TNS1: variants seen among roughly 807,000 people sequenced by gnomAD.
TNS1 encodes the protein tensin-1.
Under a neutral mutation model 168.6 loss-of-function variants are expected in TNS1, and 62 were observed. The observed-to-expected ratio is 0.37, with a 90% CI of 0.30 to 0.45. The LOEUF is 0.45. Among genes scored for constraint, TNS1 ranks in the 20% least tolerant of loss-of-function variants. TNS1 has a pLI of 1.00. For synonymous variants in TNS1, 934 were observed against 933.2 expected, an observed-to-expected ratio of 1.00 and a Z score of -0.02; for missense variants, 2,240 against 2,339.4, an observed-to-expected ratio of 0.96 and a Z score of 0.88.
chr2:217,825,061 C>T (rs1229556650), intron 22 of TNS1, among the ~76,000 whole-genome samples: 2 of 152,176 alleles, frequency 1.3e-5, no homozygotes, highest in Non-Finnish European at 2.9e-5. Flanking sequence ...TTCTCATTCC[C>T]TGAAGTTCAA....
At position 217,818,194 on chromosome 2, in the gene TNS1, G is replaced by C. The variant is rs1242238984; in HGVS notation, c.4138C>G (p.Pro1380Ala). 1 of 1,613,878 alleles carries C rather than the reference G, an allele frequency of 6.2e-7. No homozygotes were observed. Among genetic ancestry groups the C allele is most frequent in the Admixed American group, 1.7e-5 (1 of 60,020 alleles). ...TPGSPSLGRHPGAHQGNLASG... is the reference protein window; with the variant it reads ...TPGSPSLGRHAGAHQGNLASG... Reference sequence around the variant, plus strand: ...GCCAGGTTGCCTTGGTGAGCCCCAGGGTGCCGGCCCAGGCTGGGACTCCCC... The same window carrying C: ...GCCAGGTTGCCTTGGTGAGCCCCAGCGTGCCGGCCCAGGCTGGGACTCCCC... The change falls in exon 24 of 33, where the codon CCT (proline) becomes GCT (alanine). Residue 1380 changes from proline (P) to alanine (A), a missense_variant. Pro to Ala is a conservative substitution (Grantham distance 27). Coordinates refer to ENST00000682258, the MANE Select transcript of TNS1 (RefSeq NM_001387777.1).
At chr2:217,915,142 T>G (rs1954857968) in intron 4 of TNS1, among the ~76,000 whole-genome samples, 1 of 152,186 alleles carries the variant, frequency 6.6e-6, no homozygotes. Flanking sequence ...TGGGATGAAA[T>G]GCATCGGGTC....
Position 217,920,225 on chromosome 2 carries a change from G to T in TNS1, c.198C>A (p.Pro66=). ...GCTCATGGTTGGATGGAGGAACGCA[G>T]GGGGCAGCCACCTGTGGAAGGAACA... is the stretch of plus-strand genomic sequence containing the variant. The part of the protein sequence containing the change: ...HRKCQAKVAA[P]CVPPSNHELV... The change falls in exon 4 of 33, where the codon CCC becomes CCA. Residue 66 remains proline (P), a synonymous_variant. Coordinates refer to ENST00000682258, the MANE Select transcript of TNS1 (RefSeq NM_001387777.1). 1.4e-6 allele frequency: 1 copy of T among 703,040 alleles called. No individual in the cohort carries two copies. Among genetic ancestry groups the T allele is most frequent in the East Asian group, 2.7e-5 (1 of 37,280 alleles). The allele number at this position is 703,040 out of a possible 1,614,324, so 43.6% of individuals were successfully genotyped here. A position where few individuals can be genotyped will look rare whatever the true frequency, so the allele number is the denominator to read the frequency against.
chr2:217,908,646 G>T (rs1953979915), intron 4 of TNS1, among the ~76,000 whole-genome samples: 1 of 152,178 alleles, frequency 6.6e-6, no homozygotes, highest in African/African-American at 2.4e-5. Flanking sequence ...GCTGAGCGGA[G>T]GTAACAGTGC....
chr2:218,019,973 T>G (rs899375325), intron 1 of TNS1, among the ~76,000 whole-genome samples: 1 of 152,052 alleles, frequency 6.6e-6, no homozygotes, highest in Non-Finnish European at 1.5e-5. Context: ...GCCCTACTCT[T>G]TTTTGCAGGT....
intron 1 of TNS1, among the ~76,000 whole-genome samples, chr2:218,000,031 C>T (rs917629000): frequency 1.3e-5 from 2 of 152,188 alleles, no homozygotes; most frequent in Non-Finnish European, 2.9e-5. Flanking sequence ...GGGCCTCCAC[C>T]TCTAACTCCT....
chr2:217,934,435 G>A (rs986101903), intron 3 of TNS1, among the ~76,000 whole-genome samples: 3 of 152,194 alleles, frequency 2.0e-5, no homozygotes, highest in Non-Finnish European at 2.9e-5. Flanking sequence ...GCTCTGTGCA[G>A]TCTAGGAGCC....
At chr2:217,942,878 G>C (rs1234345060) in intron 3 of TNS1, among the ~76,000 whole-genome samples, 1 of 152,048 alleles carries the variant, frequency 6.6e-6, no homozygotes, top group African/African-American at 2.4e-5. Flanking sequence ...AGCACAGCAG[G>C]CTTCTCCGGG....
intron 6 of TNS1, chr2:217,903,769 T>C (rs1168708650): frequency 1.5e-6 from 1 of 662,268 alleles, no homozygotes; most frequent in Non-Finnish European, 2.6e-6. Context: ...TTGGTCCTCA[T>C]TGCAGGCAAG....
chr2:218,001,765 C>T (rs1023733735), intron 1 of TNS1, among the ~76,000 whole-genome samples: 1 of 151,368 alleles, frequency 6.6e-6, no homozygotes. Flanking sequence ...CCAGAGGACA[C>T]CTGGCTGCCC....
rs550206581 is a variant in TNS1, at chr2:217,895,047, G to A, written c.553C>T (p.Leu185Phe). ...GTGATGTCAGGTCTCCGCTCAGAGA[G>A]GTTGAACAGCTAGAAGGAGCAAAAG... ...KHGGNYLLFNLSERRPDITKL... is the reference protein window; with the variant it reads ...KHGGNYLLFNFSERRPDITKL... The change falls in exon 9 of 33, where the codon CTC becomes TTC. Residue 185 changes from leucine (L) to phenylalanine (F), a missense_variant. Around this residue, in one of 2 missense-constraint regions of TNS1, gnomAD observed 2,131 missense variants for 2,171.2 expected, o/e 0.98. Coordinates refer to ENST00000682258, the MANE Select transcript of TNS1 (RefSeq NM_001387777.1). 12 of 1,611,786 alleles carry A rather than the reference G, an allele frequency of 7.4e-6. No homozygotes were observed. Among genetic ancestry groups the A allele is most frequent in the African/African-American group, 1.3e-5 (1 of 74,906 alleles).
At chr2:217,872,185 G>T (rs13407109) in intron 18 of TNS1, among the ~76,000 whole-genome samples, 67,483 of 152,076 alleles carry the variant, frequency 0.44, 15,886 homozygotes, top group African/African-American at 0.6. Flanking sequence ...CTGAGGACAA[G>T]GAATGACACA....
upstream of TNS1, among the ~76,000 whole-genome samples, chr2:218,004,016 T>C (rs145376283): frequency 8.4e-3 from 1,286 of 152,278 alleles, 20 homozygotes; most frequent in African/African-American, 0.029. Flanking sequence ...AGGCCTTCAT[T>C]GTCTGGAACC....
chr2:218,017,096 C>T (rs1025077640), intron 1 of TNS1, among the ~76,000 whole-genome samples: 1 of 152,208 alleles, frequency 6.6e-6, no homozygotes, highest in Non-Finnish European at 1.5e-5. Flanking sequence ...GCTCAGACCA[C>T]GGAAGGGACA....
intron 3 of TNS1, among the ~76,000 whole-genome samples, chr2:217,961,884 C>T (rs1335918337): frequency 6.6e-6 from 1 of 152,134 alleles, no homozygotes; most frequent in Non-Finnish European, 1.5e-5. Flanking sequence ...CAGTCAGGGA[C>T]CTTAAGTAAA....
intron 22 of TNS1, among the ~76,000 whole-genome samples, chr2:217,825,820 C>T (rs181150997): frequency 8.9e-4 from 136 of 152,232 alleles, no homozygotes; most frequent in African/African-American, 2.9e-3. Context: ...TGAGATGGCT[C>T]GATAGCATGG....
intron 19 of TNS1, among the ~76,000 whole-genome samples, chr2:217,838,364 G>A (rs1291963386): frequency 6.6e-6 from 1 of 152,246 alleles, no homozygotes; most frequent in Non-Finnish European, 1.5e-5. Flanking sequence ...TGGGGTGCAG[G>A]GGGCACCTGA....
chr2:217,818,104 C>T lies in TNS1; in HGVS notation c.4228G>A (p.Gly1410Arg), dbSNP rs954549876. ...CTGCCGGGAACCACAGATCCAGACC[C>T]TCCGAGGTGACGGCCCAGGCTGGGG... is the stretch of plus-strand genomic sequence containing the variant. ...GSPSLGRHLGGSGSVVPGSPC... is the reference protein window; with the variant it reads ...GSPSLGRHLGRSGSVVPGSPC... Residue 1410 changes from glycine (G) to arginine (R), a missense_variant, in exon 24 of 33, where the codon GGG (glycine) becomes AGG (arginine). Gly to Arg is a moderately radical substitution (Grantham distance 125). Transcript: ENST00000682258. 21 of 1,613,864 alleles carry T rather than the reference C, an allele frequency of 1.3e-5. No individual in the cohort carries two copies. The Middle Eastern group carries it at 6.6e-4, about 51-fold the overall frequency.
chr2:217,861,877 A>G (rs936264582), intron 18 of TNS1, among the ~76,000 whole-genome samples: 3 of 152,040 alleles, frequency 2.0e-5, no homozygotes, highest in Non-Finnish European at 4.4e-5. Context: ...CTGTGACCCT[A>G]TCTCACCAGC....
Sources: gnomAD v4.1 joint callset for allele counts (sites outside exome capture counted in the v4.1 genomes callset) on GRCh38, gnomAD v4.1.1 for gene constraint, gnomAD v4.1.1 regional missense constraint, MANE v1.5 for transcripts, NCBI Gene and HGNC (gene_info 2026-07-23, HGNC 2026-07-21) for gene names.